C12orf42: variants seen among roughly 807,000 people sequenced by gnomAD.
C12orf42 encodes the protein uncharacterized protein C12orf42.
A neutral mutation model predicts 21.6 loss-of-function variants in C12orf42; 25 were observed. That is an observed-to-expected ratio of 1.16 (90% CI 0.84 to 1.62). C12orf42 has a LOEUF of 1.62. Among genes scored for constraint, C12orf42 ranks in the 40% most tolerant of loss-of-function variants. The probability of loss-of-function intolerance (pLI) is 0.00; values close to 1 mark genes in which losing one functional copy is unlikely to be tolerated. For synonymous variants in C12orf42, 174 were observed against 175.0 expected (o/e 0.99, Z 0.05); for missense variants, 483 against 459.3 (o/e 1.05, Z -0.47).
chr12:103,090,189 T>G, the C12orf42 span, among the ~76,000 whole-genome samples: 92 of 152,342 alleles, frequency 6.0e-4, no homozygotes, highest in Middle Eastern at 3.4e-3. Flanking sequence ...ATGCACTTGT[T>G]TGTTCCTAGT....
chr12:103,261,412 G>A (rs2034891409), intron 10 of C12orf42, among the ~76,000 whole-genome samples: 1 of 151,006 alleles, frequency 6.6e-6, no homozygotes, highest in African/African-American at 2.4e-5. Flanking sequence ...ACCCAGGGAG[G>A]TGAAAGTTGC....
the C12orf42 span, among the ~76,000 whole-genome samples, chr12:103,191,672 T>C: frequency 7.7e-5 from 11 of 142,180 alleles, no homozygotes; most frequent in Admixed American, 1.4e-4. Flanking sequence ...GACCAGGAGG[T>C]CCAGACTCTG....
At chr12:103,048,506 G>A in the C12orf42 span, among the ~76,000 whole-genome samples, 3 of 152,038 alleles carry the variant, frequency 2.0e-5, no homozygotes, top group Non-Finnish European at 4.4e-5. Flanking sequence ...GTCAAAACCT[G>A]GGGCATGATC....
chr12:103,449,133 A>G (rs1951774721), intron 2 of C12orf42, among the ~76,000 whole-genome samples: 1 of 152,052 alleles, frequency 6.6e-6, no homozygotes, highest in Non-Finnish European at 1.5e-5. Flanking sequence ...ATAGATAGAC[A>G]GACACCATGG....
the C12orf42 span, among the ~76,000 whole-genome samples, chr12:103,533,828 AGCACTTTCATGG>A: frequency 3.9e-5 from 6 of 152,358 alleles, no homozygotes; most frequent in South Asian, 1.2e-3. Context: ...TTTCAACGAT[AGCACTTTCATGG>A]GCAGAGAAAT....
chr12:103,132,483 AAGACATTGCTCC>A, the C12orf42 span, among the ~76,000 whole-genome samples: 2 of 152,250 alleles, frequency 1.3e-5, no homozygotes, highest in South Asian at 4.1e-4. Flanking sequence ...AGACAATGTG[AAGACATTGCTCC>A]AGAGATGGAA....
At chr12:103,241,540 A>C (rs1280547620) in intron 10 of C12orf42, among the ~76,000 whole-genome samples, 1 of 152,236 alleles carries the variant, frequency 6.6e-6, no homozygotes, top group Non-Finnish European at 1.5e-5. Flanking sequence ...TAGGAAATTT[A>C]GGTCACAGCC....
chr12:103,140,831 C>A, the C12orf42 span, among the ~76,000 whole-genome samples: 1 of 151,876 alleles, frequency 6.6e-6, no homozygotes, highest in Non-Finnish European at 1.5e-5. Context: ...GATTGGGAGA[C>A]ACACACACAC....
chr12:103,337,379 T>A (rs2137160343), intron 4 of C12orf42, among the ~76,000 whole-genome samples: 1 of 152,260 alleles, frequency 6.6e-6, no homozygotes, highest in Non-Finnish European at 1.5e-5. Flanking sequence ...TTTGATGGAA[T>A]CTCACTCTGT....
chr12:103,258,546 TAGAGA>T lies in C12orf42; in HGVS notation c.*1366+4775_*1366+4779del, dbSNP rs2034729685. Among the ~76,000 whole-genome samples, 4 of 151,560 alleles carry T rather than the reference TAGAGA, an allele frequency of 2.6e-5. No homozygotes were observed. The South Asian group carries it at 8.3e-4, about 31-fold the overall frequency. On this transcript the variant is annotated intron_variant and NMD_transcript_variant, in intron 10 of 10. Transcript: ENST00000547347. ...TATATATATATGTTTTAAAAATATA[TAGAGA>T]AATCAAAAAATAAGAATAAAATATT...
At chr12:103,185,377 C>T in the C12orf42 span, among the ~76,000 whole-genome samples, 1 of 152,212 alleles carries the variant, frequency 6.6e-6, no homozygotes, top group South Asian at 2.1e-4. Flanking sequence ...CTTGATCACT[C>T]ATCGTCCACT....
At chr12:103,427,770 C>T (rs971778434) in intron 2 of C12orf42, among the ~76,000 whole-genome samples, 2 of 152,134 alleles carry the variant, frequency 1.3e-5, no homozygotes, top group African/African-American at 4.8e-5. Context: ...GAAATCATAA[C>T]AGTCTCTCAG....
intron 5 of C12orf42, chr12:103,277,028 A>T: frequency 2.4e-6 from 1 of 418,446 alleles, no homozygotes; most frequent in Non-Finnish European, 4.7e-6. Flanking sequence ...AATTATTTAC[A>T]ATAAAAACAC....
At chr12:103,188,222 T>G in the C12orf42 span, among the ~76,000 whole-genome samples, 1 of 152,242 alleles carries the variant, frequency 6.6e-6, no homozygotes, top group African/African-American at 2.4e-5. Flanking sequence ...TAATGTTTCT[T>G]TCTTTCACTT....
At chr12:103,530,636 A>C in the C12orf42 span, among the ~76,000 whole-genome samples, 2 of 150,752 alleles carry the variant, frequency 1.3e-5, no homozygotes, top group Non-Finnish European at 3.0e-5. Context: ...CGGGGGGGGA[A>C]AACCCACACC....
chr12:103,259,228 C>G (rs942344817), intron 10 of C12orf42, among the ~76,000 whole-genome samples: 1 of 152,156 alleles, frequency 6.6e-6, no homozygotes, highest in African/African-American at 2.4e-5. Flanking sequence ...AGACTCTGAA[C>G]TGAAATTGGA....
chr12:103,506,887 TAA>T, the C12orf42 span, among the ~76,000 whole-genome samples: 30 of 25,770 alleles, frequency 1.2e-3, no homozygotes, highest in Non-Finnish European at 1.7e-3. Context: ...TATTATATAT[TAA>T]ATATATATTT....
the C12orf42 span, among the ~76,000 whole-genome samples, chr12:103,063,137 T>C: frequency 2.0e-5 from 3 of 152,158 alleles, no homozygotes; most frequent in Non-Finnish European, 2.9e-5. Context: ...AAAGATTCTT[T>C]GTTTGGTTTC....
At chr12:103,377,702 C>T (rs1278340240) in intron 3 of C12orf42, among the ~76,000 whole-genome samples, 1 of 152,118 alleles carries the variant, frequency 6.6e-6, no homozygotes, top group Non-Finnish European at 1.5e-5. Flanking sequence ...CATCCAGCCC[C>T]TCACCAGGCC....
Sources: allele counts gnomAD v4.1 joint callset (sites outside exome capture counted in the v4.1 genomes callset), GRCh38; gene constraint gnomAD v4.1.1; transcripts MANE v1.5; gene names NCBI Gene and HGNC (gene_info 2026-07-23, HGNC 2026-07-21).